Variants in DACH1 observed in about 807,000 individuals in gnomAD.
The protein encoded by DACH1 is dachshund family transcription factor 1, also known as dachshund homolog 1.
DACH1 carries 12 observed loss-of-function variants against 54.2 expected under a neutral mutation model. The observed-to-expected ratio is 0.22, with a 90% CI of 0.14 to 0.36. The LOEUF is 0.36. Ranked by LOEUF, DACH1 falls within the 10% of genes least tolerant of loss-of-function variation. The pLI is 1.00. For missense variants in DACH1, 805 were observed against 929.8 expected, an observed-to-expected ratio of 0.87 and a Z score of 1.75; for synonymous variants, 386 against 366.2, an observed-to-expected ratio of 1.05 and a Z score of -0.62.
chr13:71,498,034 G>C (rs1010496892), intron 6 of DACH1, among the ~76,000 whole-genome samples: 1 of 152,032 alleles, frequency 6.6e-6, no homozygotes, highest in African/African-American at 2.4e-5. Flanking sequence ...TTTTGAGTTT[G>C]AGTGAATAAA....
At chr13:71,469,342 C>A (rs1198917140) in intron 10 of DACH1, among the ~76,000 whole-genome samples, 2 of 151,590 alleles carry the variant, frequency 1.3e-5, no homozygotes, top group East Asian at 1.9e-4. Context: ...TGAGTGACAG[C>A]ATATTTGATT....
intron 3 of DACH1, among the ~76,000 whole-genome samples, chr13:71,613,695 G>A (rs1294707239): frequency 6.6e-6 from 1 of 152,118 alleles, no homozygotes; most frequent in African/African-American, 2.4e-5. Flanking sequence ...TAGATTGACT[G>A]TCTGAGGTTG....
At chr13:71,655,210 TATC>T (rs1246613041) in intron 2 of DACH1, among the ~76,000 whole-genome samples, 2 of 152,144 alleles carry the variant, frequency 1.3e-5, no homozygotes, top group African/African-American at 4.8e-5. Context: ...TTGATACACA[TATC>T]ATAATGCTAT....
intron 4 of DACH1, among the ~76,000 whole-genome samples, chr13:71,572,099 CTTAGT>C (rs1460934968): frequency 6.6e-6 from 1 of 152,024 alleles, no homozygotes; most frequent in African/African-American, 2.4e-5. Context: ...ATATCTTGTA[CTTAGT>C]TTAAAAATTA....
intron 1 of DACH1, among the ~76,000 whole-genome samples, chr13:71,720,645 G>A (rs922457193): frequency 6.6e-6 from 1 of 152,110 alleles, no homozygotes; most frequent in Non-Finnish European, 1.5e-5. Flanking sequence ...CTGCTAACAT[G>A]TAAAGATAAT....
At chr13:71,482,048 C>G (rs1173534511) in intron 7 of DACH1, among the ~76,000 whole-genome samples, 2 of 152,204 alleles carry the variant, frequency 1.3e-5, no homozygotes, top group East Asian at 3.9e-4. Flanking sequence ...ATACTGAAGT[C>G]GGTTAATGAC....
intron 1 of DACH1, among the ~76,000 whole-genome samples, chr13:71,856,369 A>G (rs1874001210): frequency 6.6e-6 from 1 of 151,974 alleles, no homozygotes; most frequent in South Asian, 2.1e-4. Context: ...GCGTAAGAAA[A>G]AAATCAGTGA....
chr13:71,538,953 T>C (rs1798540916), intron 6 of DACH1, among the ~76,000 whole-genome samples: 1 of 152,102 alleles, frequency 6.6e-6, no homozygotes, highest in South Asian at 2.1e-4. Flanking sequence ...TGGATATTTA[T>C]GTTTATCACA....
chr13:71,718,284 TA>T (rs36028393), intron 1 of DACH1, among the ~76,000 whole-genome samples: 2,114 of 151,770 alleles, frequency 0.014, 33 homozygotes, highest in African/African-American at 0.035. Context: ...CAGTTAGACT[TA>T]AAAAAAAGCT....
At chr13:71,710,071 T>C (rs1291469420) in intron 1 of DACH1, among the ~76,000 whole-genome samples, 1 of 152,098 alleles carries the variant, frequency 6.6e-6, no homozygotes, top group Non-Finnish European at 1.5e-5. Context: ...CTTACACATA[T>C]ATTTTTTGTA....
In DACH1 at chr13:71,557,051, C is replaced by T; in HGVS notation, c.1543G>A (p.Glu515Lys). ...GDLAGHDMGH[E>K]SKRMHIEKDE... The stretch of plus-strand genomic sequence containing the variant: ...TTTTCAATATGCATCCTTTTTGACT[C>T]ATGTCCCATGTCATGACCGGCCAAA... The change falls in exon 6 of 11, where the codon GAG becomes AAG. Residue 515 changes from glutamate to lysine, a missense_variant. Coordinates refer to ENST00000613252, the MANE Select transcript of DACH1 (RefSeq NM_080759.6). The T allele has an allele frequency of 6.2e-7, 1 of 1,607,486 alleles. No homozygotes were observed. The highest frequency in any genetic ancestry group is 1.1e-5 in the South Asian group (1 of 90,350).
intron 1 of DACH1, among the ~76,000 whole-genome samples, chr13:71,842,022 A>G (rs1192757890): frequency 6.6e-6 from 1 of 152,210 alleles, no homozygotes; most frequent in Non-Finnish European, 1.5e-5. Context: ...AATGGGTTAT[A>G]CAACTCATTT....
Position 71,445,118 on chromosome 13 carries a change from T to C in DACH1, c.2084-4426A>G, listed in dbSNP as rs1245054739. ...AGGCAGCTGCCTCTTTCTGCCAGTA[T>C]TAGAATGAGAAGCCTTCAGCATGGT... is the stretch of plus-strand genomic sequence containing the variant. On this transcript the variant is annotated intron_variant, in intron 10 of 10. Transcript: ENST00000613252. Among the ~76,000 whole-genome samples, 5 of 152,260 alleles carry C rather than the reference T, an allele frequency of 3.3e-5. No homozygotes were observed. The East Asian group carries it at 9.6e-4, about 29-fold the overall frequency.
intron 1 of DACH1, among the ~76,000 whole-genome samples, chr13:71,791,369 T>G (rs959596298): frequency 1.3e-5 from 2 of 152,126 alleles, no homozygotes; most frequent in African/African-American, 4.8e-5. Context: ...TTTGTTTGTT[T>G]GTTTGGTTTG....
At chr13:71,474,222 A>G (rs1428863837) in intron 10 of DACH1, among the ~76,000 whole-genome samples, 2 of 152,130 alleles carry the variant, frequency 1.3e-5, no homozygotes, top group Non-Finnish European at 1.5e-5. Flanking sequence ...TGCACATATG[A>G]TAGTTTACAA....
At chr13:71,718,071 A>G (rs1883061731) in intron 1 of DACH1, among the ~76,000 whole-genome samples, 1 of 152,016 alleles carries the variant, frequency 6.6e-6, no homozygotes, top group South Asian at 2.1e-4. Flanking sequence ...GAAAAGAACA[A>G]CCACAGGGTT....
intron 1 of DACH1, among the ~76,000 whole-genome samples, chr13:71,757,698 A>AT (rs1885227857): frequency 1.3e-5 from 2 of 151,814 alleles, no homozygotes; most frequent in Admixed American, 6.6e-5. Context: ...TAATTTTTGT[A>AT]TTTTTGTAGA....
At chr13:71,763,172 T>C (rs997509112) in intron 1 of DACH1, among the ~76,000 whole-genome samples, 1 of 152,234 alleles carries the variant, frequency 6.6e-6, no homozygotes, top group African/African-American at 2.4e-5. Context: ...TCCTTATGAC[T>C]GCTTTATTAA....
At chr13:71,588,572 AT>A (rs1873446514) in intron 3 of DACH1, among the ~76,000 whole-genome samples, 2 of 152,068 alleles carry the variant, frequency 1.3e-5, no homozygotes, top group South Asian at 4.1e-4. Context: ...ATATTAGACA[AT>A]TTCAAATGCA....
Sources: allele counts gnomAD v4.1 joint callset (sites outside exome capture counted in the v4.1 genomes callset), GRCh38; gene constraint gnomAD v4.1.1; transcripts MANE v1.5; gene names NCBI Gene and HGNC (gene_info 2026-07-23, HGNC 2026-07-21).